TBC1D22A: variants seen among roughly 807,000 people sequenced by gnomAD.
The protein encoded by TBC1D22A is putative GTPase activator.
In TBC1D22A, 38 loss-of-function variants were observed where a neutral mutation model predicts 60.2. The observed-to-expected ratio is 0.63, with a 90% CI of 0.49 to 0.83. The LOEUF (loss-of-function observed/expected upper bound fraction) is 0.83, where lower values mean the gene tolerates loss of function less well. TBC1D22A is among the 40% of genes least tolerant of loss of function. The pLI, the probability that TBC1D22A is intolerant of heterozygous loss-of-function variation, is 0.00. For missense variants in TBC1D22A, 628 were observed against 701.0 expected (o/e 0.90, Z 1.18); for synonymous variants, 302 against 281.7 (o/e 1.07, Z -0.72).
chr22:47,164,459 C>T (rs564218284), intron 12 of TBC1D22A, among the ~76,000 whole-genome samples: 22 of 152,298 alleles, frequency 1.4e-4, no homozygotes, highest in African/African-American at 2.2e-4. Context: ...GGTTTTTCGG[C>T]GAGGGTCCCA....
intron 12 of TBC1D22A, among the ~76,000 whole-genome samples, chr22:47,161,390 C>A (rs1185875590): frequency 6.6e-6 from 1 of 152,150 alleles, no homozygotes; most frequent in Non-Finnish European, 1.5e-5. Context: ...TTCTCAGTAA[C>A]CTTTACACTC....
chr22:46,978,579 A>G (rs2074394419), intron 9 of TBC1D22A, among the ~76,000 whole-genome samples: 1 of 152,172 alleles, frequency 6.6e-6, no homozygotes, highest in Admixed American at 6.5e-5. Context: ...AGCATTACAT[A>G]GATACATAGT....
chr22:47,021,016 C>A (rs953884931), intron 10 of TBC1D22A, among the ~76,000 whole-genome samples: 1 of 152,210 alleles, frequency 6.6e-6, no homozygotes, highest in Non-Finnish European at 1.5e-5. Flanking sequence ...CTGTAGCTGC[C>A]AAGGAGTGAA....
rs115619122 is a variant in TBC1D22A at position 46,788,365 on chromosome 22, T to C, written c.63-4155T>C. Among the ~76,000 whole-genome samples the C allele has an allele frequency of 3.3e-3, 509 of 152,344 alleles. 4 individuals carry two copies. Among genetic ancestry groups the C allele is most frequent in the African/African-American group, 0.012 (482 of 41,570 alleles). ...ACACATTGAGAGTTTAAAATAATGC[T>C]CATCTCTGTTAGCTACTACTATTAT... is the stretch of plus-strand genomic sequence containing the variant. On this transcript the variant is annotated intron_variant, in intron 1 of 12. Coordinates refer to ENST00000337137, the MANE Select transcript of TBC1D22A (RefSeq NM_014346.5).
intron 11 of TBC1D22A, among the ~76,000 whole-genome samples, chr22:47,091,046 G>C (rs900153050): frequency 8.7e-5 from 10 of 114,968 alleles, no homozygotes; most frequent in Admixed American, 2.9e-4. Flanking sequence ...GTCGTCTTTG[G>C]GGGGAGTGGC....
chr22:46,982,289 T>C (rs1037101395), intron 9 of TBC1D22A, among the ~76,000 whole-genome samples: 3 of 151,300 alleles, frequency 2.0e-5, no homozygotes, highest in African/African-American at 7.3e-5. Context: ...AGTGGCATGA[T>C]CTTGGCACAC....
rs149746098 is a variant in TBC1D22A, at chr22:46,869,879, G to A, written c.638-8774G>A. On this transcript the variant is annotated intron_variant, in intron 4 of 12. Transcript: ENST00000337137. ...TTATTCTTGGCTTTTCAGAAAAAAG[G>A]TTCTTATAATTAGGAGTTCTTTGCA... is the stretch of plus-strand genomic sequence containing the variant. 7.9e-4 allele frequency among the ~76,000 whole-genome samples: 120 copies of A among 152,310 alleles called. 2 individuals are homozygous for A. The highest frequency in any genetic ancestry group is 6.0e-3 in the East Asian group (31 of 5,192).
At chr22:46,878,425 C>G (rs1368982363) in intron 4 of TBC1D22A, among the ~76,000 whole-genome samples, 2 of 94,360 alleles carry the variant, frequency 2.1e-5, no homozygotes, top group Non-Finnish European at 4.6e-5. Flanking sequence ...AGGGTAGCTC[C>G]AGGATTCTGT....
At chr22:46,823,721 G>C (rs560431775) in intron 4 of TBC1D22A, among the ~76,000 whole-genome samples, 1 of 152,352 alleles carries the variant, frequency 6.6e-6, no homozygotes. Context: ...CATGGTCACT[G>C]CTGGGTCTGC....
rs111894974 is a variant in TBC1D22A, at chr22:47,143,158, C to A, written c.1426-30340C>A. On this transcript the variant is annotated intron_variant, in intron 12 of 12. Coordinates refer to ENST00000337137, the MANE Select transcript of TBC1D22A (RefSeq NM_014346.5). ...CCTGGAAGCCCCCGTCTCTCTCTCT[C>A]CCAGAAGGGGAATCATCCAGGTGGA... is the stretch of plus-strand genomic sequence containing the variant. Among the ~76,000 whole-genome samples, 973 of 152,276 alleles carry A rather than the reference C, an allele frequency of 6.4e-3. 10 individuals carry two copies. The highest frequency in any genetic ancestry group is 0.022 in the African/African-American group (927 of 41,572).
intron 8 of TBC1D22A, 119 bp from the exon 9 acceptor site, chr22:46,974,171 T>C (rs2074191175): frequency 1.3e-6 from 1 of 754,830 alleles, no homozygotes; most frequent in Non-Finnish European, 2.3e-6. Context: ...GCTAGACTGA[T>C]GAGAGTGGGT....
At chr22:47,030,174 C>T (rs2062421421) in intron 10 of TBC1D22A, among the ~76,000 whole-genome samples, 1 of 152,250 alleles carries the variant, frequency 6.6e-6, no homozygotes, top group Non-Finnish European at 1.5e-5. Flanking sequence ...CCCCCAGAAT[C>T]AAAGCCTATT....
At chr22:46,848,930 A>G (rs1378721737) in intron 4 of TBC1D22A, among the ~76,000 whole-genome samples, 2 of 150,972 alleles carry the variant, frequency 1.3e-5, no homozygotes, top group East Asian at 3.9e-4. Context: ...CATTGCTGGT[A>G]GGGACCTCAT....
chr22:46,943,188 T>C (rs946197668), intron 8 of TBC1D22A, among the ~76,000 whole-genome samples: 1 of 152,010 alleles, frequency 6.6e-6, no homozygotes, highest in South Asian at 2.1e-4. Context: ...CGCCTCACTT[T>C]TGGCTTATGC....
At chr22:47,002,338 A>G (rs1006164365) in intron 10 of TBC1D22A, among the ~76,000 whole-genome samples, 1 of 152,238 alleles carries the variant, frequency 6.6e-6, no homozygotes, top group Non-Finnish European at 1.5e-5. Context: ...TGTCCCCAAG[A>G]TAGAATGGCC....
At chr22:46,921,606 A>G (rs891847736) in intron 8 of TBC1D22A, among the ~76,000 whole-genome samples, 4 of 152,242 alleles carry the variant, frequency 2.6e-5, no homozygotes, top group African/African-American at 9.6e-5. Flanking sequence ...GTGTATACCC[A>G]ATAATGGGAT....
At chr22:47,128,638 C>T (rs529537557) in intron 12 of TBC1D22A, among the ~76,000 whole-genome samples, 2 of 151,986 alleles carry the variant, frequency 1.3e-5, no homozygotes, top group African/African-American at 4.8e-5. Flanking sequence ...CACAGCTATC[C>T]GTGTGTTTAT....
At chr22:46,799,912 C>T (rs2084822951) in intron 4 of TBC1D22A, among the ~76,000 whole-genome samples, 1 of 152,242 alleles carries the variant, frequency 6.6e-6, no homozygotes, top group African/African-American at 2.4e-5. Context: ...CGTCTGCCAG[C>T]TCTTTCCACT....
intron 8 of TBC1D22A, among the ~76,000 whole-genome samples, chr22:46,933,677 A>T (rs750412178): frequency 6.0e-4 from 91 of 152,190 alleles, no homozygotes; most frequent in Admixed American, 3.3e-3. Flanking sequence ...CAGCCTCTGC[A>T]CTCAGATGCG....
Sources: allele counts gnomAD v4.1 joint callset (sites outside exome capture counted in the v4.1 genomes callset), GRCh38; gene constraint gnomAD v4.1.1; transcripts MANE v1.5; gene names NCBI Gene and HGNC (gene_info 2026-07-23, HGNC 2026-07-21).